CMSS1: variants seen among roughly 807,000 people sequenced by gnomAD.
CMSS1 encodes protein CMSS1.
Under a neutral mutation model 43.5 loss-of-function variants are expected in CMSS1, and 33 were observed. The ratio of observed to expected loss-of-function variants is 0.76; its 90% CI spans 0.57 to 1.01. CMSS1 has a LOEUF of 1.01. Among genes scored for constraint, CMSS1 ranks in the 50% least tolerant of loss-of-function variants. The pLI is 0.00. For synonymous variants in CMSS1, 115 were observed against 117.2 expected (o/e 0.98, Z 0.12); for missense variants, 313 against 326.4 (o/e 0.96, Z 0.32).
At position 99,903,347 on chromosome 3, in the gene CMSS1, G is replaced by A. The variant is rs1163846526; in HGVS notation, c.64+85304G>A. Among the ~76,000 whole-genome samples, 3 of 152,176 alleles carry A rather than the reference G, an allele frequency of 2.0e-5. 1 individual carries two copies. The highest frequency in any genetic ancestry group is 7.2e-5 in the African/African-American group (3 of 41,522). Reference sequence around the variant, plus strand: ...GCTCACTGCAACCTCCGCCTCCCGGGTTCAAGCAATTCTCCTGCCTCAGCC... The same window carrying A: ...GCTCACTGCAACCTCCGCCTCCCGGATTCAAGCAATTCTCCTGCCTCAGCC... On this transcript the variant is annotated intron_variant, in intron 1 of 9. Coordinates refer to ENST00000421999, the MANE Select transcript of CMSS1 (RefSeq NM_032359.4).
At chr3:100,059,310 G>A (rs2065519141) in intron 1 of CMSS1, among the ~76,000 whole-genome samples, 1 of 152,164 alleles carries the variant, frequency 6.6e-6, no homozygotes, top group Admixed American at 6.5e-5. Flanking sequence ...AGGCTATAAT[G>A]GGACGAGCCT....
chr3:99,993,266 T>A (rs1034642838), intron 1 of CMSS1, among the ~76,000 whole-genome samples: 7 of 152,134 alleles, frequency 4.6e-5, no homozygotes, highest in Admixed American at 4.6e-4. Flanking sequence ...ATATTGATTC[T>A]TCAATCTATG....
Position 99,982,353 on chromosome 3 carries a change from T to C in CMSS1, c.64+164310T>C, listed in dbSNP as rs1054097827. Among the ~76,000 whole-genome samples, 92 of 152,016 alleles carry C rather than the reference T, an allele frequency of 6.1e-4. 3 individuals are homozygous for C. The highest frequency in any genetic ancestry group is 1.0e-3 in the South Asian group (5 of 4,816). ...CATTAGGTAATTTTTTACTTTTTTT[T>C]TTTTGAGACAGGGTCTCACTCTTTC... On this transcript the variant is annotated intron_variant, in intron 1 of 9. Transcript: ENST00000421999.
At chr3:99,931,898 T>C (rs1037177566) in intron 1 of CMSS1, among the ~76,000 whole-genome samples, 3 of 152,226 alleles carry the variant, frequency 2.0e-5, no homozygotes, top group Non-Finnish European at 4.4e-5. Context: ...GTTGAACTTA[T>C]AATTGACTCT....
chr3:99,932,432 A>G (rs1391281297), intron 1 of CMSS1, among the ~76,000 whole-genome samples: 1 of 152,082 alleles, frequency 6.6e-6, no homozygotes, highest in Non-Finnish European at 1.5e-5. Context: ...TGCTGTAAGA[A>G]TATTTCATTA....
At chr3:100,140,379 G>A (rs1487269704) in intron 1 of CMSS1, among the ~76,000 whole-genome samples, 1 of 151,936 alleles carries the variant, frequency 6.6e-6, no homozygotes, top group Non-Finnish European at 1.5e-5. Context: ...GGTCACTACT[G>A]ATCCTTTTTC....
intron 1 of CMSS1, chr3:99,924,290 T>G (rs372255083): frequency 1.9e-6 from 3 of 1,614,164 alleles, no homozygotes. Context: ...GTATTCTTTA[T>G]GTTTTCTCTT....
chr3:99,942,038 A>G (rs778257307), intron 1 of CMSS1, among the ~76,000 whole-genome samples: 122 of 152,136 alleles, frequency 8.0e-4, no homozygotes, highest in Admixed American at 3.3e-4. Flanking sequence ...AACACGGTGA[A>G]ACTGTATCTC....
At chr3:99,929,586 G>A (rs147428992) in intron 1 of CMSS1, among the ~76,000 whole-genome samples, 2 of 152,072 alleles carry the variant, frequency 1.3e-5, no homozygotes, top group East Asian at 3.9e-4. Context: ...GTGTGTATGT[G>A]CCTGCACATG....
intron 8 of CMSS1, among the ~76,000 whole-genome samples, chr3:100,175,483 C>G (rs571186133): frequency 2.7e-4 from 41 of 152,332 alleles, no homozygotes; most frequent in South Asian, 1.0e-3. Context: ...ATGATCAACT[C>G]ATTGTCTTTT....
chr3:99,903,205 G>A (rs529241863), intron 1 of CMSS1, among the ~76,000 whole-genome samples: 19 of 151,618 alleles, frequency 1.3e-4, no homozygotes, highest in African/African-American at 3.9e-4. Flanking sequence ...TAGCTGGCAC[G>A]TCATAAATCT....
At chr3:100,146,915 A>C (rs2066856039) in intron 1 of CMSS1, 58 bp from the exon 2 acceptor site, 3 of 1,567,880 alleles carry the variant, frequency 1.9e-6, no homozygotes, top group East Asian at 2.3e-5. Context: ...TGGTACCAAG[A>C]TTGCACTAGC....
chr3:100,118,133 GA>G, intron 1 of CMSS1, among the ~76,000 whole-genome samples: 1 of 151,322 alleles, frequency 6.6e-6, no homozygotes, highest in East Asian at 1.9e-4. Context: ...TTCATCTGGG[GA>G]TGATGGGAAA....
At position 99,999,129 on chromosome 3, in the gene CMSS1, T is replaced by TATGCCATGAA. The variant is rs536256715; in HGVS notation, c.65-147843_65-147834dup. The stretch of plus-strand genomic sequence containing the variant: ...ATTTACAGTTGTTGAATGCCAGTTT[T>TATGCCATGAA]ATGCCATGAATTGTATTTAGTGTTG... On this transcript the variant is annotated intron_variant, in intron 1 of 9. Transcript: ENST00000421999. Among the ~76,000 whole-genome samples, 707 of 152,370 alleles carry TATGCCATGAA rather than the reference T, an allele frequency of 4.6e-3. 2 individuals carry two copies. Among genetic ancestry groups the TATGCCATGAA allele is most frequent in the South Asian group, 7.0e-3 (34 of 4,832 alleles).
intron 1 of CMSS1, among the ~76,000 whole-genome samples, chr3:100,078,219 T>C (rs2065879336): frequency 6.6e-6 from 1 of 152,162 alleles, no homozygotes; most frequent in Admixed American, 6.5e-5. Context: ...TTTCAAAGTG[T>C]TGAAGTATAT....
intron 1 of CMSS1, among the ~76,000 whole-genome samples, chr3:99,965,722 G>A (rs1708629635): frequency 6.6e-6 from 1 of 152,132 alleles, no homozygotes; most frequent in Admixed American, 6.5e-5. Context: ...GGCTTATTGG[G>A]GATTAAGGCC....
chr3:99,949,935 G>A (rs560031221), intron 1 of CMSS1, among the ~76,000 whole-genome samples: 51 of 152,264 alleles, frequency 3.3e-4, no homozygotes, highest in African/African-American at 1.1e-3. Context: ...TTCTGTTGCT[G>A]CTTTATACAT....
intron 1 of CMSS1, among the ~76,000 whole-genome samples, chr3:100,019,026 T>C (rs1372106939): frequency 5.3e-5 from 8 of 152,104 alleles, no homozygotes; most frequent in Admixed American, 1.3e-4. Context: ...ATGACTGTTA[T>C]CAAAAAGATC....
chr3:99,821,438 A>G (rs540821581), intron 1 of CMSS1, among the ~76,000 whole-genome samples: 1 of 152,312 alleles, frequency 6.6e-6, no homozygotes, highest in Admixed American at 6.5e-5. Context: ...CCAACATAAG[A>G]CAGCTGGGAG....
Sources: allele counts gnomAD v4.1 joint callset (sites outside exome capture counted in the v4.1 genomes callset), GRCh38; gene constraint gnomAD v4.1.1; transcripts MANE v1.5; gene names NCBI Gene and HGNC (gene_info 2026-07-23, HGNC 2026-07-21).